PIP5K1B: variants seen among roughly 807,000 people sequenced by gnomAD.
PIP5K1B encodes the protein phosphatidylinositol-4-phosphate 5-kinase type 1 beta.
Under a neutral mutation model 67.0 loss-of-function variants are expected in PIP5K1B, and 42 were observed. The ratio of observed to expected loss-of-function variants is 0.63; its 90% CI spans 0.49 to 0.81. The LOEUF is 0.81. Among genes scored for constraint, PIP5K1B ranks in the 30% least tolerant of loss-of-function variants. The pLI is 0.00. For missense variants in PIP5K1B, 459 were observed against 646.3 expected, an observed-to-expected ratio of 0.71 and a Z score of 3.14; for synonymous variants, 214 against 231.4, an observed-to-expected ratio of 0.92 and a Z score of 0.68.
chr9:68,934,160 C>T (rs1007031616), intron 12 of PIP5K1B, among the ~76,000 whole-genome samples: 5 of 152,204 alleles, frequency 3.3e-5, no homozygotes, highest in Admixed American at 3.3e-4. Flanking sequence ...GCCGCTTAAG[C>T]AGCTTCCATG....
At chr9:68,835,168 T>C (rs936199635) in intron 4 of PIP5K1B, among the ~76,000 whole-genome samples, 2 of 152,212 alleles carry the variant, frequency 1.3e-5, no homozygotes, top group Non-Finnish European at 2.9e-5. Flanking sequence ...GAGGGAACAA[T>C]AGCCTAGCAG....
chr9:68,725,806 T>C (rs1259876542), intron 1 of PIP5K1B, among the ~76,000 whole-genome samples: 1 of 152,202 alleles, frequency 6.6e-6, no homozygotes, highest in Non-Finnish European at 1.5e-5. Flanking sequence ...AAATAATTCA[T>C]GTGAGAGGGT....
At chr9:68,730,436 A>AAAC (rs1828367760) in intron 1 of PIP5K1B, among the ~76,000 whole-genome samples, 11 of 152,232 alleles carry the variant, frequency 7.2e-5, no homozygotes, top group Admixed American at 7.2e-4. Flanking sequence ...AGACTAATTG[A>AAAC]AACTAACATT....
At chr9:68,783,446 A>AT (rs975422956) in intron 2 of PIP5K1B, 2 of 167,018 alleles carry the variant, frequency 1.2e-5, no homozygotes, top group African/African-American at 4.8e-5. Flanking sequence ...ATATTTAAAC[A>AT]TTGTACATAT....
intron 8 of PIP5K1B, among the ~76,000 whole-genome samples, chr9:68,915,991 C>T (rs1302645003): frequency 6.6e-6 from 1 of 152,198 alleles, no homozygotes; most frequent in East Asian, 1.9e-4. Flanking sequence ...CCCCTCTTTA[C>T]TATATCATAA....
chr9:68,787,285 G>T (rs1195240174), intron 2 of PIP5K1B, among the ~76,000 whole-genome samples: 2 of 152,176 alleles, frequency 1.3e-5, no homozygotes, highest in Non-Finnish European at 2.9e-5. Flanking sequence ...CCAGCAACAG[G>T]CAGTGTCTGA....
intron 14 of PIP5K1B, among the ~76,000 whole-genome samples, chr9:68,941,915 G>A (rs1827579363): frequency 6.6e-6 from 1 of 152,188 alleles, no homozygotes; most frequent in Non-Finnish European, 1.5e-5. Context: ...AGGTAGGCAG[G>A]AGGTTAGGCG....
At chr9:68,845,387 C>G (rs1472635789) in intron 4 of PIP5K1B, among the ~76,000 whole-genome samples, 1 of 151,888 alleles carries the variant, frequency 6.6e-6, no homozygotes, top group East Asian at 1.9e-4. Flanking sequence ...GCCGTGGAGC[C>G]GTGGGGGTTC....
At chr9:68,908,245 T>C (rs1373453806) in intron 8 of PIP5K1B, among the ~76,000 whole-genome samples, 2 of 152,164 alleles carry the variant, frequency 1.3e-5, no homozygotes, top group African/African-American at 4.8e-5. Flanking sequence ...TAAACCTGTT[T>C]ACAAAATAAT....
intron 4 of PIP5K1B, among the ~76,000 whole-genome samples, chr9:68,845,720 A>G (rs1159968693): frequency 6.6e-6 from 1 of 152,208 alleles, no homozygotes. Context: ...TAAAAGAGAA[A>G]GTGTGTAGGG....
chr9:68,731,161 T>C (rs563741423), intron 1 of PIP5K1B, among the ~76,000 whole-genome samples: 8 of 152,382 alleles, frequency 5.2e-5, no homozygotes, highest in South Asian at 2.1e-4. Context: ...TCTTAGAGGC[T>C]GTTCTAGAAC....
chr9:68,969,002 C>T (rs564638558), intron 14 of PIP5K1B, among the ~76,000 whole-genome samples: 4 of 152,206 alleles, frequency 2.6e-5, no homozygotes, highest in East Asian at 1.9e-4. Context: ...GGGCACAGTG[C>T]GTAGCTTCTG....
chr9:68,884,489 C>A (rs1035052505), intron 6 of PIP5K1B, among the ~76,000 whole-genome samples: 21 of 151,672 alleles, frequency 1.4e-4, no homozygotes, highest in African/African-American at 3.1e-4. Context: ...ATGGCAAAAA[C>A]CCATCTCTAC....
rs150988112 is a variant in PIP5K1B at position 68,939,990 on chromosome 9, C to T, written c.1358-656C>T. 2.9e-4 allele frequency among the ~76,000 whole-genome samples: 44 copies of T among 152,266 alleles called. No homozygotes were observed. The East Asian group carries it at 8.3e-3, about 29-fold the overall frequency. On this transcript the variant is annotated intron_variant, in intron 13 of 15. Coordinates refer to ENST00000265382, the MANE Select transcript of PIP5K1B (RefSeq NM_003558.4). ...TGCCCAGCCTTGAACATTCCTCTTT[C>T]CTCACAAGGATGGGCTCTCGCATAA...
At chr9:68,961,335 T>G (rs1828737397) in intron 14 of PIP5K1B, among the ~76,000 whole-genome samples, 1 of 152,174 alleles carries the variant, frequency 6.6e-6, no homozygotes, top group Non-Finnish European at 1.5e-5. Flanking sequence ...ACAATTTTCT[T>G]CTCGAGGTGA....
intron 8 of PIP5K1B, among the ~76,000 whole-genome samples, chr9:68,914,189 A>G (rs1417796454): frequency 6.6e-6 from 1 of 152,216 alleles, no homozygotes; most frequent in African/African-American, 2.4e-5. Context: ...TTTTTAAAAA[A>G]AACAAAGGTT....
chr9:68,796,372 A>T (rs904362797), intron 2 of PIP5K1B, among the ~76,000 whole-genome samples: 5 of 152,226 alleles, frequency 3.3e-5, no homozygotes, highest in Non-Finnish European at 4.4e-5. Flanking sequence ...TTTAAAGACC[A>T]CAAACATTTC....
At chr9:68,850,496 T>C (rs535416115) in intron 4 of PIP5K1B, among the ~76,000 whole-genome samples, 1 of 152,310 alleles carries the variant, frequency 6.6e-6, no homozygotes, top group African/African-American at 2.4e-5. Flanking sequence ...CCAAATTGTC[T>C]CCAGACACAG....
intron 14 of PIP5K1B, among the ~76,000 whole-genome samples, chr9:68,943,426 G>A (rs1827655928): frequency 6.6e-6 from 1 of 152,160 alleles, no homozygotes; most frequent in Non-Finnish European, 1.5e-5. Context: ...ACTCCCAGGA[G>A]TCAATATCCC....
Sources: gnomAD v4.1 joint callset for allele counts (sites outside exome capture counted in the v4.1 genomes callset) on GRCh38, gnomAD v4.1.1 for gene constraint, MANE v1.5 for transcripts, NCBI Gene and HGNC (gene_info 2026-07-23, HGNC 2026-07-21) for gene names.